UBE3D: variants seen among roughly 807,000 people sequenced by gnomAD.
UBE3D encodes the protein E3 ubiquitin-protein ligase E3D.
A neutral mutation model predicts 49.6 loss-of-function variants in UBE3D; 48 were observed. That is an observed-to-expected ratio of 0.97 (90% CI 0.77 to 1.23). The LOEUF (loss-of-function observed/expected upper bound fraction) is 1.23, where lower values mean the gene tolerates loss of function less well. Among genes scored for constraint, UBE3D ranks in the 50% most tolerant of loss-of-function variants. The pLI is 0.00. For missense variants in UBE3D, 452 were observed against 468.4 expected (o/e 0.96, Z 0.32); for synonymous variants, 189 against 174.2 (o/e 1.08, Z -0.67).
chr6:82,951,109 G>C (rs564681376), intron 9 of UBE3D, among the ~76,000 whole-genome samples: 4 of 152,250 alleles, frequency 2.6e-5, no homozygotes, highest in African/African-American at 9.6e-5. Context: ...GAGTATAAGT[G>C]GATTGTTTGT....
chr6:82,999,602 C>A (rs1779482913), intron 8 of UBE3D, among the ~76,000 whole-genome samples: 1 of 152,130 alleles, frequency 6.6e-6, no homozygotes, highest in Admixed American at 6.5e-5. Flanking sequence ...CCAGGCTGGT[C>A]TTGAACTCCT....
At chr6:83,053,396 C>A (rs780651370) in intron 3 of UBE3D, among the ~76,000 whole-genome samples, 1 of 152,178 alleles carries the variant, frequency 6.6e-6, no homozygotes, top group Non-Finnish European at 1.5e-5. Flanking sequence ...ACTCTAAATT[C>A]TTTAAATAGT....
the UBE3D span, among the ~76,000 whole-genome samples, chr6:82,882,061 C>T: frequency 0.036 from 5,467 of 152,214 alleles, 145 homozygotes; most frequent in Non-Finnish European, 0.052. Context: ...GGAACCGATT[C>T]CCTACTGTTC....
the UBE3D span, among the ~76,000 whole-genome samples, chr6:82,884,210 C>T: frequency 2.6e-5 from 4 of 152,254 alleles, no homozygotes; most frequent in African/African-American, 7.2e-5. Flanking sequence ...GAGGATCAAC[C>T]TTCTCCTTCC....
intron 8 of UBE3D, among the ~76,000 whole-genome samples, chr6:82,985,342 GGTTTTGTTTTTTT>G (rs1562152230): frequency 6.6e-6 from 1 of 151,456 alleles, no homozygotes; most frequent in African/African-American, 2.4e-5. Context: ...GTACTTATGT[GGTTTTGTTTTTTT>G]GTTTTGTTTT....
intron 5 of UBE3D, among the ~76,000 whole-genome samples, chr6:83,026,200 C>G (rs1781448172): frequency 6.6e-6 from 1 of 152,066 alleles, no homozygotes; most frequent in Non-Finnish European, 1.5e-5. Context: ...AATCCCAGCA[C>G]TTTGGAAGGC....
intron 6 of UBE3D, among the ~76,000 whole-genome samples, chr6:83,023,138 C>T (rs1437187009): frequency 2.0e-5 from 3 of 152,104 alleles, no homozygotes; most frequent in Non-Finnish European, 4.4e-5. Context: ...GAAATAAAAA[C>T]ACTAATAGAT....
intron 9 of UBE3D, among the ~76,000 whole-genome samples, chr6:82,898,445 T>C (rs1020160036): frequency 6.6e-6 from 1 of 152,174 alleles, no homozygotes; most frequent in African/African-American, 2.4e-5. Context: ...CCATTGATGA[T>C]AGACTGAATA....
At chr6:82,975,393 C>T (rs1777643579) in intron 8 of UBE3D, among the ~76,000 whole-genome samples, 3 of 152,084 alleles carry the variant, frequency 2.0e-5, no homozygotes, top group African/African-American at 7.2e-5. Flanking sequence ...AATTTTCTAG[C>T]CATATCCTTC....
intron 9 of UBE3D, among the ~76,000 whole-genome samples, chr6:82,926,276 G>A (rs921759456): frequency 6.6e-6 from 1 of 152,096 alleles, no homozygotes; most frequent in Non-Finnish European, 1.5e-5. Flanking sequence ...AGTTTCCTCT[G>A]TGTCTTTTCC....
chr6:82,968,729 T>C (rs1353970470), intron 8 of UBE3D, among the ~76,000 whole-genome samples: 1 of 152,200 alleles, frequency 6.6e-6, no homozygotes, highest in East Asian at 1.9e-4. Context: ...TTTTTAAAGT[T>C]TGATGGAAGT....
At chr6:82,991,592 C>T (rs901476454) in intron 8 of UBE3D, among the ~76,000 whole-genome samples, 1 of 152,116 alleles carries the variant, frequency 6.6e-6, no homozygotes, top group Non-Finnish European at 1.5e-5. Flanking sequence ...CTAAACTATG[C>T]TCCCACAGCT....
chr6:82,960,700 A>G (rs73478977), intron 8 of UBE3D, among the ~76,000 whole-genome samples: 3,134 of 152,112 alleles, frequency 0.021, 46 homozygotes, highest in African/African-American at 0.037. Context: ...TAGATCAGAC[A>G]TGAGTGATTT....
At chr6:82,948,878 A>C (rs1370991624) in intron 9 of UBE3D, among the ~76,000 whole-genome samples, 4 of 107,280 alleles carry the variant, frequency 3.7e-5, no homozygotes, top group African/African-American at 3.5e-5. Flanking sequence ...CCTCAACACA[A>C]AAAAAAGCCA....
chr6:82,921,348 C>G (rs1773321368), intron 9 of UBE3D, among the ~76,000 whole-genome samples: 1 of 152,064 alleles, frequency 6.6e-6, no homozygotes, highest in Admixed American at 6.6e-5. Context: ...CTTGGTAAGC[C>G]AGGGCTGAAA....
At chr6:82,930,265 T>C (rs1774049703) in intron 9 of UBE3D, among the ~76,000 whole-genome samples, 1 of 152,144 alleles carries the variant, frequency 6.6e-6, no homozygotes, top group South Asian at 2.1e-4. Flanking sequence ...GAACTGTGAG[T>C]CCACTAAACC....
At chr6:82,954,338 A>G (rs1294778556) in intron 9 of UBE3D, among the ~76,000 whole-genome samples, 1 of 152,200 alleles carries the variant, frequency 6.6e-6, no homozygotes, top group African/African-American at 2.4e-5. Context: ...ACTATAACAG[A>G]GTGGAAGCTA....
intron 9 of UBE3D, among the ~76,000 whole-genome samples, chr6:82,953,629 A>T (rs1775955622): frequency 6.6e-6 from 1 of 152,162 alleles, no homozygotes; most frequent in Non-Finnish European, 1.5e-5. Context: ...CCATCCAGCC[A>T]TCTTGCCAGC....
intron 8 of UBE3D, among the ~76,000 whole-genome samples, chr6:82,965,644 A>T (rs1776868031): frequency 6.6e-6 from 1 of 152,006 alleles, no homozygotes; most frequent in Admixed American, 6.6e-5. Context: ...CAAGCCTGTC[A>T]GAAACTTCAT....
Sources: gnomAD v4.1 joint callset for allele counts (sites outside exome capture counted in the v4.1 genomes callset) on GRCh38, gnomAD v4.1.1 for gene constraint, MANE v1.5 for transcripts, NCBI Gene and HGNC (gene_info 2026-07-23, HGNC 2026-07-21) for gene names.